HDAC6: variants seen among roughly 807,000 people sequenced by gnomAD.
HDAC6 encodes protein deacetylase HDAC6.
In HDAC6, 5 loss-of-function variants were observed where a neutral mutation model predicts 88.9. That is an observed-to-expected ratio of 0.06 (90% CI 0.03 to 0.12). HDAC6 has a LOEUF of 0.12. Ranked by LOEUF, HDAC6 falls within the 10% of genes least tolerant of loss-of-function variation. The probability of loss-of-function intolerance (pLI) is 1.00; values close to 1 mark genes in which losing one functional copy is unlikely to be tolerated. For missense variants in HDAC6, 706 were observed against 1,014.4 expected, an observed-to-expected ratio of 0.70 and a Z score of 4.13; for synonymous variants, 378 against 398.0, an observed-to-expected ratio of 0.95 and a Z score of 0.60.
chrX:48,821,249 C>T (rs1411462392), intron 23 of HDAC6, among the ~76,000 whole-genome samples: 1 of 108,954 alleles, frequency 9.2e-6, no homozygotes, highest in African/African-American at 3.4e-5. Flanking sequence ...GCTCTGTCGC[C>T]CAGGCTAGAG....
chrX:48,802,552 G>A, intron 1 of HDAC6, 111 bp from the exon 2 acceptor site: 3 of 1,125,174 alleles, frequency 2.7e-6, no homozygotes, highest in Non-Finnish European at 3.5e-6. Flanking sequence ...ATCAGATCGC[G>A]TAAGGAATGG....
At chrX:48,810,791 T>C (rs2062890755) in intron 10 of HDAC6, 1 of 110,357 alleles carries the variant, frequency 9.1e-6, no homozygotes. Flanking sequence ...TAATCTTTTG[T>C]AGAGATGGGG....
At chrX:48,801,473 C>A, upstream of HDAC6, 1 of 132,600 alleles carries the variant, frequency 7.5e-6, no homozygotes. Context: ...CTTGCTTGCT[C>A]TCCAGACACC....
At chrX:48,805,406 A>G (rs371507088) in intron 4 of HDAC6, 32 bp from the exon 5 acceptor site, 27 of 1,104,858 alleles carry the variant, frequency 2.4e-5, no homozygotes, top group Non-Finnish European at 3.1e-5. Flanking sequence ...CAGTGTCCTC[A>G]TGCATCTGTG....
intron 19 of HDAC6, chrX:48,816,977 T>C: frequency 3.8e-6 from 1 of 261,069 alleles, no homozygotes. Flanking sequence ...GGTCCGGGCG[T>C]GATGGCTCAC....
chrX:48,814,252 G>A (rs1406276004), intron 10 of HDAC6, 188 bp from the exon 11 acceptor site: 1 of 453,446 alleles, frequency 2.2e-6, no homozygotes, highest in Non-Finnish European at 3.7e-6. Flanking sequence ...GTGACTGAAT[G>A]TAAGGGTAAA....
rs1557030869 is a variant in HDAC6, at chrX:48,823,308, C to T, written c.2909C>T (p.Ala970Val). 8.3e-7 allele frequency: 1 copy of T among 1,202,194 alleles called. No individual in the cohort carries two copies. ...CTGGACCAGACCACCTCAGAGGATG[C>T]TGTTGGGGGAGCCACGCTGGGCCAG... ...AILDQTTSED[A>V]VGGATLGQTT... Residue 970 changes from alanine (A) to valine (V), a missense_variant, in exon 25 of 29, where the codon GCT becomes GTT. Ala to Val is a moderately conservative substitution (Grantham distance 64). Coordinates refer to ENST00000334136, the MANE Select transcript of HDAC6 (RefSeq NM_006044.4).
At chrX:48,824,509 C>T (rs1557031783) in intron 28 of HDAC6, 35 bp from the exon 29 acceptor site, 1 of 1,168,871 alleles carries the variant, frequency 8.6e-7, no homozygotes, top group Admixed American at 2.2e-5. Context: ...GGTCCTCACT[C>T]TCTCTCACCT....
chrX:48,819,870 C>T (rs1259977926), intron 22 of HDAC6: 6 of 487,555 alleles, frequency 1.2e-5, no homozygotes, highest in Non-Finnish European at 2.2e-5. Flanking sequence ...ATCTCCATGT[C>T]TCTAAGTCTG....
rs148529796 is a variant in HDAC6, at chrX:48,824,281, A to G, written c.3566A>G (p.Tyr1189Cys). Reference protein sequence around the residue: ...LSAWCYYCQAYVHHQALLDVK... With the variant: ...LSAWCYYCQACVHHQALLDVK... ...GCCTGGTGTTACTACTGTCAGGCCTATGTCCACCACCAGGTGGGCCCTGGG... is the reference window on the plus strand; with the variant it reads ...GCCTGGTGTTACTACTGTCAGGCCTGTGTCCACCACCAGGTGGGCCCTGGG... Residue 1189 changes from tyrosine to cysteine, a missense_variant, in exon 28 of 29, where the codon TAT becomes TGT. By Grantham distance (194) the Tyr-to-Cys change is radical (BLOSUM62 -2). This residue lies in a region of HDAC6 where 36 missense variants were observed against 35.5 expected (regional missense o/e 1.01). Coordinates refer to ENST00000334136, the MANE Select transcript of HDAC6 (RefSeq NM_006044.4). 1.7e-6 allele frequency: 2 copies of G among 1,210,109 alleles called. No homozygotes were observed. The highest frequency in any genetic ancestry group is 3.0e-5 in the East Asian group (1 of 33,838).
intron 20 of HDAC6, 186 bp from the exon 21 acceptor site, chrX:48,817,855 C>T (rs2063014039): frequency 2.2e-6 from 1 of 459,138 alleles, no homozygotes; most frequent in Non-Finnish European, 3.8e-6. Flanking sequence ...CAGGGCCCAG[C>T]CCCGAGCACT....
At chrX:48,804,520 TA>T (rs1394600280) in intron 4 of HDAC6, among the ~76,000 whole-genome samples, 1 of 112,608 alleles carries the variant, frequency 8.9e-6, no homozygotes, top group African/African-American at 3.2e-5. Flanking sequence ...CATTGTTTGC[TA>T]ATTATCATAC....
At chrX:48,806,742 T>G (rs781816916) in intron 8 of HDAC6, 36 bp downstream of exon 8, 1 of 875,213 alleles carries the variant, frequency 1.1e-6, no homozygotes, top group South Asian at 2.2e-5. Context: ...TTACATTGTT[T>G]TAAAGTCCTT....
At chrX:48,815,744 G>A in intron 16 of HDAC6, 102 bp downstream of exon 16, 1 of 1,036,872 alleles carries the variant, frequency 9.6e-7, no homozygotes, top group South Asian at 2.0e-5. Context: ...GCCTTGGTGG[G>A]AGAGGGTCAG....
rs1394025779 is a variant in HDAC6 at position 48,816,724 on chromosome X, G to A, written c.1791+91G>A. 7.1e-6 allele frequency: 6 copies of A among 847,607 alleles called. No homozygotes were observed. The Admixed American group carries it at 1.4e-4, about 20-fold the overall frequency. 69.9% of individuals were successfully genotyped at this position (847,607 alleles called of 1,213,427 possible). A position where few individuals can be genotyped will look rare whatever the true frequency, so the allele number is the denominator to read the frequency against. On this transcript the variant is annotated intron_variant, in intron 19 of 28. Transcript: ENST00000334136. ...TTTCTGGAGGCTCTGAGAGAGTCAA[G>A]CAGGGCCTGAGGAAAGGGGCCATGG... is the stretch of plus-strand genomic sequence containing the variant.
At chrX:48,803,271 GCCCATTAGCAAGAATAAATCTTTTCTTAC>G in intron 4 of HDAC6, 55 bp downstream of exon 4, 1 of 914,115 alleles carries the variant, frequency 1.1e-6, no homozygotes, top group Admixed American at 2.4e-5. Context: ...CACACTTAGA[GCCCATTAGCAAGAATAAATCTTTTCTTAC>G]CCCAGCCTGG....
At position 48,822,839 on chromosome X, in the gene HDAC6, G is replaced by A. The variant is rs369431391; in HGVS notation, c.2512+45G>A. On this transcript the variant is annotated intron_variant, in intron 24 of 28. Transcript: ENST00000334136. ...ATGGGGGGAACCCAGGGAAGGAGGG[G>A]GCTGAGGGGCAGAGATCAGAGGCAG... 1.0e-4 allele frequency: 117 copies of A among 1,162,370 alleles called. No homozygotes were observed. In the South Asian group the frequency reaches 1.9e-3, roughly 19 times the overall value.
At chrX:48,810,523 C>T (rs1465169284) in intron 10 of HDAC6, 1 of 111,692 alleles carries the variant, frequency 9.0e-6, no homozygotes, top group African/African-American at 3.2e-5. Context: ...TCTCTGTTCT[C>T]TTTCTAGGAC....
upstream of HDAC6, chrX:48,801,715 C>A: frequency 4.4e-6 from 2 of 453,226 alleles, no homozygotes; most frequent in Non-Finnish European, 6.5e-6. Context: ...GCGTAGCACG[C>A]CGACGCACCG....
Sources: gnomAD v4.1 joint callset for allele counts (sites outside exome capture counted in the v4.1 genomes callset) on GRCh38, gnomAD v4.1.1 for gene constraint, gnomAD v4.1.1 regional missense constraint, MANE v1.5 for transcripts, NCBI Gene and HGNC (gene_info 2026-07-23, HGNC 2026-07-21) for gene names.